Variants in TTC38 observed in about 807,000 individuals in gnomAD.
The protein encoded by TTC38 is tetratricopeptide repeat domain 38.
A neutral mutation model predicts 64.2 loss-of-function variants in TTC38; 64 were observed. The observed-to-expected ratio is 1.00, with a 90% CI of 0.81 to 1.23. The LOEUF is 1.23. TTC38 is among the 50% of genes most tolerant of loss of function. The pLI, the probability that TTC38 is intolerant of heterozygous loss-of-function variation, is 0.00. For missense variants in TTC38, 573 were observed against 615.5 expected, an observed-to-expected ratio of 0.93 and a Z score of 0.73; for synonymous variants, 254 against 249.3, an observed-to-expected ratio of 1.02 and a Z score of -0.18.
chr22:46,274,099 C>A lies in TTC38; in HGVS notation c.365+30C>A. Reference sequence around the variant, plus strand: ...GGGGCCTCCCTGGGCTGGGAGCTGGCACCCTGAGGCTGAGCTGGGGGAGTG... The same window carrying A: ...GGGGCCTCCCTGGGCTGGGAGCTGGAACCCTGAGGCTGAGCTGGGGGAGTG... On this transcript the variant is annotated intron_variant, in intron 4 of 13. Transcript: ENST00000381031. This position sits in a 1 kb window ranked among gnomAD's most constrained non-coding sequence, Gnocchi z 4.8. The A allele has an allele frequency of 6.2e-7, 1 of 1,608,128 alleles. No homozygotes were observed.
rs1413363980 is a variant in TTC38 at position 46,276,811 on chromosome 22, A to ATATATATTAAATATATATATAAAT, written c.539+1390_539+1391insTATATATTAAATATATATATAAAT. ...ATATATATTAAAAATTATATATTAA[A>ATATATATTAAATATATATATAAAT]ATATATATATTAAATATATATATAT... On this transcript the variant is annotated intron_variant, in intron 5 of 13. Coordinates refer to ENST00000381031, the MANE Select transcript of TTC38 (RefSeq NM_017931.4). This position sits in a 1 kb window ranked among gnomAD's most constrained non-coding sequence, Gnocchi z 4.7. Among the ~76,000 whole-genome samples the ATATATATTAAATATATATATAAAT allele has an allele frequency of 2.9e-5, 4 of 138,184 alleles. No individual in the cohort carries two copies. The highest frequency in any genetic ancestry group is 1.2e-4 in the African/African-American group (4 of 33,822). 90.7% of individuals were successfully genotyped at this position (138,184 alleles called of 152,430 possible).
rs1936990298 is a variant in TTC38, at chr22:46,275,517, A to G, written c.539+96A>G. ...CTCTCTTGGCCCTGTCCTAAAAATA[A>G]TGGGACCACTGTTGCTATTCTCCTA... On this transcript the variant is annotated intron_variant, in intron 5 of 13. Coordinates refer to ENST00000381031, the MANE Select transcript of TTC38 (RefSeq NM_017931.4). This position sits in a 1 kb window ranked among gnomAD's most constrained non-coding sequence, Gnocchi z 4.5. 10 of 1,240,506 alleles carry G rather than the reference A, an allele frequency of 8.1e-6. No homozygotes were observed. The highest frequency in any genetic ancestry group is 2.4e-5 in the East Asian group (1 of 42,278). The allele number at this position is 1,240,506 out of a possible 1,614,324, so 76.8% of individuals were successfully genotyped here.
rs182688794 is a variant in TTC38, at chr22:46,278,519, G to A, written c.540-67G>A. Reference sequence around the variant, plus strand: ...AGTTAGGACCTCAGTGTATCTTTGCGGGGACACAGTTCAACCTGCTACCCA... The same window carrying A: ...AGTTAGGACCTCAGTGTATCTTTGCAGGGACACAGTTCAACCTGCTACCCA... On this transcript the variant is annotated intron_variant, in intron 5 of 13. Coordinates refer to ENST00000381031, the MANE Select transcript of TTC38 (RefSeq NM_017931.4). The A allele has an allele frequency of 4.7e-4, 640 of 1,355,046 alleles. 3 individuals carry two copies. The African/African-American group carries it at 6.5e-3, about 14-fold the overall frequency. The allele number at this position is 1,355,046 out of a possible 1,614,324, so 83.9% of individuals were successfully genotyped here. A position where few individuals can be genotyped will look rare whatever the true frequency, so the allele number is the denominator to read the frequency against.
rs908233950 is a variant in TTC38, at chr22:46,293,247, A to G, written c.*363A>G. On this transcript the variant is annotated 3_prime_UTR_variant, in exon 14 of 14. Transcript: ENST00000381031. This position sits in a 1 kb window ranked among gnomAD's most constrained non-coding sequence, Gnocchi z 6.6. Reference sequence around the variant, plus strand: ...GATTCTGCTGGGACAGGTCTTCCAGAGGCAGCCTCCCCCCACTGCCTGTCC... The same window carrying G: ...GATTCTGCTGGGACAGGTCTTCCAGGGGCAGCCTCCCCCCACTGCCTGTCC... 18 of 238,516 alleles carry G rather than the reference A, an allele frequency of 7.5e-5. No homozygotes were observed. Among genetic ancestry groups the G allele is most frequent in the Non-Finnish European group, 1.5e-4 (18 of 118,368 alleles). 14.8% of individuals were successfully genotyped at this position (238,516 alleles called of 1,614,324 possible).
rs1288094961 is a variant in TTC38, at chr22:46,268,030, C to CCGGCGCAACATGGCCGCAGCCTCGCCT, written c.-8_19dup. On this transcript the variant is annotated 5_prime_UTR_variant, in exon 1 of 14. The change creates a new upstream start codon in the 5' untranslated region. Coordinates refer to ENST00000381031, the MANE Select transcript of TTC38 (RefSeq NM_017931.4). ...CCCAGAGCTCGCGGTGGACTCCGAC[C>CCGGCGCAACATGGCCGCAGCCTCGCCT]CGGCGCAACATGGCCGCAGCCTCGC... 6.5e-7 allele frequency: 1 copy of CCGGCGCAACATGGCCGCAGCCTCGCCT among 1,537,190 alleles called. No homozygotes were observed. Among genetic ancestry groups the CCGGCGCAACATGGCCGCAGCCTCGCCT allele is most frequent in the South Asian group, 1.2e-5 (1 of 83,312 alleles).
Position 46,272,342 on chromosome 22 carries a change from A to G in TTC38, c.119A>G (p.Lys40Arg). ...TTGCTTTTCCCATTTCAGTATGTAA[A>G]ATGGACCAATGACAAGAGTCTCGGT... ...LFDATLTQYV[K>R]WTNDKSLGGI... is the part of the protein sequence containing the mutation. Residue 40 changes from lysine to arginine, a missense_variant, in exon 3 of 14, where the codon AAA (lysine) becomes AGA (arginine). Physicochemically the swap from Lys to Arg is conservative, Grantham distance 26. This residue lies in a region of TTC38 where 134 missense variants were observed against 126.5 expected (regional missense o/e 1.06). Transcript: ENST00000381031. The surrounding 1 kb of genome is among the most constrained non-coding windows in gnomAD (Gnocchi z 6.4). The G allele has an allele frequency of 6.2e-7, 1 of 1,613,600 alleles. No homozygotes were observed. Among genetic ancestry groups the G allele is most frequent in the Non-Finnish European group, 8.5e-7 (1 of 1,179,804 alleles).
At chr22:46,268,747 C>G in intron 2 of TTC38, 156 bp downstream of exon 2, 1 of 677,442 alleles carries the variant, frequency 1.5e-6, no homozygotes, top group East Asian at 2.9e-5. Flanking sequence ...TGCAGTGGCG[C>G]TATTTCGGCT....
At chr22:46,268,095 C>G in intron 1 of TTC38, 23 bp downstream of exon 1, 2 of 1,536,616 alleles carry the variant, frequency 1.3e-6, no homozygotes, top group Non-Finnish European at 1.7e-6. Flanking sequence ...TGCCCCCAAC[C>G]AGGTCCCCCT....
Position 46,288,412 on chromosome 22 carries a change from C to T in TTC38, c.917-11C>T, listed in dbSNP as rs1252063950. 6.2e-7 allele frequency: 1 copy of T among 1,611,520 alleles called. No individual in the cohort carries two copies. Among genetic ancestry groups the T allele is most frequent in the Admixed American group, 1.7e-5 (1 of 59,846 alleles). On this transcript the variant is annotated splice_polypyrimidine_tract_variant and intron_variant, in intron 10 of 13. Transcript: ENST00000381031. ...CACTCCAGGCCCTGGGTCTCCTCCC[C>T]ATGTCCTCAGGAGTGTCTGTGGGCC...
rs2077542114 is a variant in TTC38 at position 46,282,453 on chromosome 22, T to C, written c.735+735T>C. On this transcript the variant is annotated intron_variant, in intron 7 of 13. Transcript: ENST00000381031. This position sits in a 1 kb window ranked among gnomAD's most constrained non-coding sequence, Gnocchi z 4.4. ...GACGGGGCTGCATCAGGTGAGCCTATTGGGCTCAAGGGAGATGGGGCCTCC... is the reference window on the plus strand; with the variant it reads ...GACGGGGCTGCATCAGGTGAGCCTACTGGGCTCAAGGGAGATGGGGCCTCC... Among the ~76,000 whole-genome samples, 1 of 152,156 alleles carries C rather than the reference T, an allele frequency of 6.6e-6. No homozygotes were observed.
At chr22:46,278,806 TAGTGTGAGC>T (rs1191613615) in intron 6 of TTC38, 145 bp downstream of exon 6, 9 of 742,684 alleles carry the variant, frequency 1.2e-5, no homozygotes, top group Admixed American at 4.2e-5. Flanking sequence ...GAGCTCATGT[TAGTGTGAGC>T]AGCTGCCGCC....
rs1364903795 is a variant in TTC38, at chr22:46,274,696, G to A, written c.366-552G>A. Among the ~76,000 whole-genome samples, 5 of 152,012 alleles carry A rather than the reference G, an allele frequency of 3.3e-5. No individual in the cohort carries two copies. The highest frequency in any genetic ancestry group is 7.4e-5 in the Non-Finnish European group (5 of 68,000). On this transcript the variant is annotated intron_variant, in intron 4 of 13. Coordinates refer to ENST00000381031, the MANE Select transcript of TTC38 (RefSeq NM_017931.4). The surrounding 1 kb of genome is among the most constrained non-coding windows in gnomAD (Gnocchi z 4.8). Reference sequence around the variant, plus strand: ...CAGAGACTTCCTGTGGCTGTCTCACGGTCTCCACTGGGATTATCTTTGGCA... The same window carrying A: ...CAGAGACTTCCTGTGGCTGTCTCACAGTCTCCACTGGGATTATCTTTGGCA...
chr22:46,282,240 G>C lies in TTC38; in HGVS notation c.735+522G>C, dbSNP rs1320453634. ...CTCCAAGGCCTACAGTGGCCTGTGA[G>C]GGAGAGGAGAGCTGCTTACTTTGGT... On this transcript the variant is annotated intron_variant, in intron 7 of 13. Coordinates refer to ENST00000381031, the MANE Select transcript of TTC38 (RefSeq NM_017931.4). The surrounding 1 kb of genome is among the most constrained non-coding windows in gnomAD (Gnocchi z 4.4). 3.5e-6 allele frequency: 1 copy of C among 288,110 alleles called. No individual in the cohort carries two copies. The highest frequency in any genetic ancestry group is 7.0e-6 in the Non-Finnish European group (1 of 143,076). The allele number at this position is 288,110 out of a possible 1,614,324, so 17.8% of individuals were successfully genotyped here.
rs1346560941 is a variant in TTC38 at position 46,281,286 on chromosome 22, A to C, written c.616-313A>C. ...TTGCAAGCACCTCAGCTGTATGCAG[A>C]ATGCTGTGGGCTTGGGTCTGAGCCC... On this transcript the variant is annotated intron_variant, in intron 6 of 13. Transcript: ENST00000381031. The surrounding 1 kb of genome is among the most constrained non-coding windows in gnomAD (Gnocchi z 5.2). 6.6e-6 allele frequency among the ~76,000 whole-genome samples: 1 copy of C among 152,224 alleles called. No homozygotes were observed. Among genetic ancestry groups the C allele is most frequent in the Non-Finnish European group, 1.5e-5 (1 of 68,040 alleles).
intron 10 of TTC38, 66 bp from the exon 11 acceptor site, chr22:46,288,357 G>T (rs1214470390): frequency 6.6e-7 from 1 of 1,511,516 alleles, no homozygotes; most frequent in Admixed American, 1.9e-5. Flanking sequence ...CCGTGAGGGA[G>T]GCCCTTGCAC....
intron 1 of TTC38, 54 bp downstream of exon 1, chr22:46,268,126 T>C: frequency 6.6e-7 from 1 of 1,508,044 alleles, no homozygotes; most frequent in Non-Finnish European, 8.9e-7. Flanking sequence ...GTCCTGGGGG[T>C]GGCCCGGTGC....
chr22:46,268,977 G>C, intron 2 of TTC38: 1 of 342,926 alleles, frequency 2.9e-6, no homozygotes, highest in Non-Finnish European at 5.9e-6. Flanking sequence ...GTGAGCCACC[G>C]CGCCCGGCCA....
chr22:46,269,313 G>C, intron 2 of TTC38: 1 of 222,912 alleles, frequency 4.5e-6, no homozygotes, highest in Non-Finnish European at 1.0e-5. Flanking sequence ...CTTCACCTAG[G>C]CTGTGCCAAG....
Position 46,281,757 on chromosome 22 carries a change from C to A in TTC38, c.735+39C>A. On this transcript the variant is annotated intron_variant, in intron 7 of 13. Transcript: ENST00000381031. This position sits in a 1 kb window ranked among gnomAD's most constrained non-coding sequence, Gnocchi z 5.2. ...CAATGGGTCACCTCCCTGGGAAATT[C>A]AGTGCATCCCCTTGAGTCAGGCCAA... The A allele has an allele frequency of 6.2e-7, 1 of 1,611,860 alleles. No individual in the cohort carries two copies. Among genetic ancestry groups the A allele is most frequent in the Non-Finnish European group, 8.5e-7 (1 of 1,179,522 alleles).
Sources: gnomAD v4.1 joint callset for allele counts (sites outside exome capture counted in the v4.1 genomes callset) on GRCh38, gnomAD v4.1.1 for gene constraint, gnomAD v4.1.1 regional missense constraint, Gnocchi (gnomAD v3.1) non-coding constraint, MANE v1.5 for transcripts, NCBI Gene and HGNC (gene_info 2026-07-23, HGNC 2026-07-21) for gene names.